LINGO2: variants seen among roughly 807,000 people sequenced by gnomAD.
The protein encoded by LINGO2 is leucine-rich repeat and immunoglobulin-like domain-containing nogo receptor-interacting protein 2.
LINGO2 carries 14 observed loss-of-function variants against 30.6 expected under a neutral mutation model. The ratio of observed to expected loss-of-function variants is 0.46; its 90% CI spans 0.30 to 0.72. LINGO2 has a LOEUF of 0.72. Among genes scored for constraint, LINGO2 ranks in the 30% least tolerant of loss-of-function variants. The pLI is 0.07. For missense variants in LINGO2, 729 were observed against 751.7 expected (o/e 0.97, Z 0.35); for synonymous variants, 317 against 288.5 (o/e 1.10, Z -1.00).
intron 1 of LINGO2, among the ~76,000 whole-genome samples, chr9:28,641,035 C>A (rs1264156230): frequency 6.6e-6 from 1 of 151,888 alleles, no homozygotes; most frequent in African/African-American, 2.4e-5. Context: ...GGTTAGTTTT[C>A]CTTCCAAATT....
the LINGO2 span, among the ~76,000 whole-genome samples, chr9:28,684,175 C>CTTTTTTTTTTTT: frequency 4.6e-4 from 21 of 45,440 alleles, 2 homozygotes; most frequent in Non-Finnish European, 6.0e-4. Flanking sequence ...AAATGTTTAT[C>CTTTTTTTTTTTT]TTTTTTTTTT....
rs577342100 is a variant in LINGO2 at position 28,618,960 on chromosome 9, A to C, written c.-365+51240T>G. ...ACTAGAAGATAAATGAGGCAAGATA[A>C]GTTGAGTGTTTAGCACAGTACCTGG... On this transcript the variant is annotated intron_variant, in intron 1 of 5. Transcript: ENST00000379992. Among the ~76,000 whole-genome samples, 5 of 152,312 alleles carry C rather than the reference A, an allele frequency of 3.3e-5. No individual in the cohort carries two copies. The East Asian group carries it at 9.6e-4, about 29-fold the overall frequency.
chr9:28,721,639 T>C, the LINGO2 span, among the ~76,000 whole-genome samples: 4 of 151,938 alleles, frequency 2.6e-5, no homozygotes, highest in Non-Finnish European at 5.9e-5. Context: ...GAGGAGAACA[T>C]CACACACTGG....
rs1352208248 is a variant in LINGO2, at chr9:28,036,585, GAA to G, written c.-86-24182_-86-24181del. 6.6e-5 allele frequency among the ~76,000 whole-genome samples: 10 copies of G among 152,288 alleles called. No individual in the cohort carries two copies. The East Asian group carries it at 1.7e-3, about 26-fold the overall frequency. On this transcript the variant is annotated intron_variant, in intron 4 of 5. Transcript: ENST00000379992. ...TGGTTTCCATCAGAAAAGTCCAAAG[GAA>G]AAGTGTTGCTTTGGGAAATATGCGA...
At chr9:28,775,513 T>C in the LINGO2 span, among the ~76,000 whole-genome samples, 1 of 152,176 alleles carries the variant, frequency 6.6e-6, no homozygotes, top group African/African-American at 2.4e-5. Flanking sequence ...AGTTCCCTGG[T>C]CAATTATGTT....
the LINGO2 span, among the ~76,000 whole-genome samples, chr9:29,145,916 G>C: frequency 6.6e-6 from 1 of 152,102 alleles, no homozygotes; most frequent in Non-Finnish European, 1.5e-5. Context: ...GTGTGTGCAT[G>C]TAAGTTATAT....
At chr9:28,236,332 T>C (rs902829515) in intron 4 of LINGO2, among the ~76,000 whole-genome samples, 3 of 152,134 alleles carry the variant, frequency 2.0e-5, no homozygotes, top group African/African-American at 7.2e-5. Flanking sequence ...GCTAAAGGGA[T>C]TTCTTCAATC....
the LINGO2 span, among the ~76,000 whole-genome samples, chr9:28,831,289 A>C: frequency 6.6e-6 from 1 of 152,212 alleles, no homozygotes; most frequent in Non-Finnish European, 1.5e-5. Flanking sequence ...TAAACGTACA[A>C]AGACTATTCT....
chr9:28,712,237 A>G, the LINGO2 span, among the ~76,000 whole-genome samples: 2 of 152,166 alleles, frequency 1.3e-5, no homozygotes, highest in African/African-American at 2.4e-5. Context: ...TAAGTGAGAA[A>G]TAAACGTTTT....
chr9:28,669,985 A>G (rs1377141391), intron 1 of LINGO2, among the ~76,000 whole-genome samples: 1 of 152,070 alleles, frequency 6.6e-6, no homozygotes, highest in Non-Finnish European at 1.5e-5. Flanking sequence ...AAAAATTTAT[A>G]AACCCAGCAG....
chr9:29,185,634 G>A, the LINGO2 span, among the ~76,000 whole-genome samples: 12 of 152,116 alleles, frequency 7.9e-5, no homozygotes, highest in East Asian at 1.9e-4. Flanking sequence ...CAATGGAAGT[G>A]GGATTTAGAC....
At chr9:28,146,621 C>G (rs375202937) in intron 4 of LINGO2, among the ~76,000 whole-genome samples, 83 of 151,706 alleles carry the variant, frequency 5.5e-4, no homozygotes, top group Middle Eastern at 3.4e-3. Context: ...GGTTTCAATT[C>G]TCCAATAACA....
the LINGO2 span, among the ~76,000 whole-genome samples, chr9:28,838,340 T>C: frequency 8.3e-4 from 126 of 152,324 alleles, no homozygotes; most frequent in South Asian, 4.8e-3. Flanking sequence ...GTATAGTTGT[T>C]CTCATACAAT....
At chr9:28,797,355 TATATAGAG>T in the LINGO2 span, among the ~76,000 whole-genome samples, 66 of 59,298 alleles carry the variant, frequency 1.1e-3, no homozygotes, top group South Asian at 2.9e-3. Flanking sequence ...TATATATATA[TATATAGAG>T]AGAGAGAGAG....
intron 1 of LINGO2, among the ~76,000 whole-genome samples, chr9:28,553,275 A>G (rs1189406843): frequency 3.3e-5 from 5 of 152,126 alleles, no homozygotes; most frequent in Non-Finnish European, 7.3e-5. Context: ...ATGTGTAACT[A>G]GAATAACCAA....
At chr9:29,003,896 G>T in the LINGO2 span, among the ~76,000 whole-genome samples, 1 of 151,976 alleles carries the variant, frequency 6.6e-6, no homozygotes. Context: ...TATTTGTCTA[G>T]AAGAGTTACC....
chr9:28,447,526 C>A (rs755458162), intron 2 of LINGO2, among the ~76,000 whole-genome samples: 1 of 152,134 alleles, frequency 6.6e-6, no homozygotes, highest in Non-Finnish European at 1.5e-5. Flanking sequence ...TTCATTATAG[C>A]AGCCCAGGTG....
the LINGO2 span, among the ~76,000 whole-genome samples, chr9:29,211,980 A>T: frequency 0.15 from 22,182 of 151,728 alleles, 1,920 homozygotes; most frequent in South Asian, 0.27. Context: ...TTAGATACAG[A>T]CCCTATAGAC....
the LINGO2 span, among the ~76,000 whole-genome samples, chr9:29,059,255 T>A: frequency 6.6e-6 from 1 of 151,636 alleles, no homozygotes; most frequent in Admixed American, 6.6e-5. Context: ...CAGGCTTTTT[T>A]AAAAATAGAA....
Sources: allele counts gnomAD v4.1 joint callset (sites outside exome capture counted in the v4.1 genomes callset), GRCh38; gene constraint gnomAD v4.1.1; transcripts MANE v1.5; gene names NCBI Gene and HGNC (gene_info 2026-07-23, HGNC 2026-07-21).